NAALADL2: variants seen among roughly 807,000 people sequenced by gnomAD.
NAALADL2 encodes the protein inactive N-acetylated-alpha-linked acidic dipeptidase-like protein 2.
NAALADL2 carries 76 observed loss-of-function variants against 87.2 expected under a neutral mutation model. The observed-to-expected ratio is 0.87, with a 90% CI of 0.72 to 1.05. The LOEUF (loss-of-function observed/expected upper bound fraction) is 1.05, where lower values mean the gene tolerates loss of function less well. Among genes scored for constraint, NAALADL2 ranks in the 50% least tolerant of loss-of-function variants. The pLI, the probability that NAALADL2 is intolerant of heterozygous loss-of-function variation, is 0.00. For missense variants in NAALADL2, 1,089 were observed against 945.8 expected (o/e 1.15, Z -1.99); for synonymous variants, 354 against 331.0 (o/e 1.07, Z -0.75).
chr3:175,353,640 A>G (rs1204312131), intron 5 of NAALADL2, among the ~76,000 whole-genome samples: 4 of 152,096 alleles, frequency 2.6e-5, no homozygotes, highest in African/African-American at 9.7e-5. Context: ...AGTTTCAAAG[A>G]CTCTTCAAAG....
chr3:174,825,289 AG>A (rs1266140534), intron 3 of NAALADL2, among the ~76,000 whole-genome samples: 2 of 150,518 alleles, frequency 1.3e-5, no homozygotes, highest in African/African-American at 4.9e-5. Flanking sequence ...AGTAATTCCC[AG>A]TCCAAGGCCT....
chr3:174,586,859 G>C (rs958624241), intron 2 of NAALADL2, among the ~76,000 whole-genome samples: 2 of 151,944 alleles, frequency 1.3e-5, no homozygotes, highest in African/African-American at 4.8e-5. Context: ...TATACTTTAA[G>C]TTATAGGGTA....
intron 6 of NAALADL2, among the ~76,000 whole-genome samples, chr3:175,447,963 G>A (rs991995470): frequency 1.3e-5 from 2 of 152,070 alleles, no homozygotes; most frequent in African/African-American, 4.8e-5. Flanking sequence ...TCAGCATTAG[G>A]GTTCTAAAGA....
intron 3 of NAALADL2, among the ~76,000 whole-genome samples, chr3:174,783,507 T>G (rs1473833863): frequency 6.6e-6 from 1 of 152,136 alleles, no homozygotes; most frequent in Non-Finnish European, 1.5e-5. Flanking sequence ...TTAGAGTCCT[T>G]TGTACTTGAT....
At chr3:174,949,667 A>C (rs774144057) in intron 1 of NAALADL2, among the ~76,000 whole-genome samples, 2 of 152,186 alleles carry the variant, frequency 1.3e-5, no homozygotes, top group Non-Finnish European at 2.9e-5. Flanking sequence ...TGCCCTTTAC[A>C]AAGGAATGTT....
intron 3 of NAALADL2, among the ~76,000 whole-genome samples, chr3:174,830,270 A>G (rs1170895498): frequency 1.3e-5 from 2 of 149,292 alleles, no homozygotes; most frequent in East Asian, 2.0e-4. Flanking sequence ...TAAGTCTTTA[A>G]TCCATCTTGA....
At chr3:175,178,130 G>T (rs1735953568) in intron 2 of NAALADL2, among the ~76,000 whole-genome samples, 1 of 151,880 alleles carries the variant, frequency 6.6e-6, no homozygotes, top group Non-Finnish European at 1.5e-5. Flanking sequence ...AGATAATACA[G>T]TTCTATGTCA....
intron 13 of NAALADL2, among the ~76,000 whole-genome samples, chr3:175,756,546 A>G (rs1339407679): frequency 6.6e-6 from 1 of 152,192 alleles, no homozygotes; most frequent in East Asian, 1.9e-4. Flanking sequence ...GCTGGAGGCC[A>G]TTATCCTAAG....
At chr3:174,556,071 T>C (rs766722430) in intron 2 of NAALADL2, among the ~76,000 whole-genome samples, 1 of 152,046 alleles carries the variant, frequency 6.6e-6, no homozygotes, top group Non-Finnish European at 1.5e-5. Context: ...TACATACAGA[T>C]ATAGATGTTG....
intron 5 of NAALADL2, among the ~76,000 whole-genome samples, chr3:175,382,010 G>C (rs938427609): frequency 3.3e-5 from 5 of 152,164 alleles, no homozygotes; most frequent in African/African-American, 1.2e-4. Flanking sequence ...ACTAACTGCT[G>C]TGTCTTGTCC....
At chr3:174,964,501 G>T (rs1322465662) in intron 1 of NAALADL2, among the ~76,000 whole-genome samples, 1 of 151,998 alleles carries the variant, frequency 6.6e-6, no homozygotes, top group Non-Finnish European at 1.5e-5. Context: ...AAAGAGAGGA[G>T]AACAGAGGAC....
intron 5 of NAALADL2, among the ~76,000 whole-genome samples, chr3:175,395,565 C>T (rs1392420657): frequency 6.6e-6 from 1 of 152,108 alleles, no homozygotes; most frequent in African/African-American, 2.4e-5. Flanking sequence ...CCAACAACAG[C>T]CCTGAATCTA....
intron 5 of NAALADL2, among the ~76,000 whole-genome samples, chr3:175,367,798 C>A (rs1765838985): frequency 6.6e-6 from 1 of 152,196 alleles, no homozygotes; most frequent in African/African-American, 2.4e-5. Flanking sequence ...ATGTTGTCTG[C>A]AAACAGGGAC....
chr3:175,242,945 C>T (rs1747202102), intron 3 of NAALADL2, among the ~76,000 whole-genome samples: 2 of 152,262 alleles, frequency 1.3e-5, no homozygotes, highest in East Asian at 1.9e-4. Flanking sequence ...GTAAGATAGA[C>T]TGGAACAATT....
At chr3:175,375,904 G>A (rs1199095645) in intron 5 of NAALADL2, among the ~76,000 whole-genome samples, 1 of 151,598 alleles carries the variant, frequency 6.6e-6, no homozygotes, top group Admixed American at 6.6e-5. Context: ...TGACATTTTA[G>A]CTATGCATCC....
At chr3:175,449,023 T>C (rs1721120412) in intron 6 of NAALADL2, among the ~76,000 whole-genome samples, 1 of 152,166 alleles carries the variant, frequency 6.6e-6, no homozygotes, top group African/African-American at 2.4e-5. Flanking sequence ...GATTAATTTT[T>C]TTGTATGTTG....
chr3:174,827,571 G>T (rs77026840), intron 3 of NAALADL2, among the ~76,000 whole-genome samples: 14,953 of 152,192 alleles, frequency 0.098, 815 homozygotes, highest in Middle Eastern at 0.13. Context: ...ATAATCCCAG[G>T]TAATTTCTCC....
At chr3:175,105,890 A>G (rs1203554086) in intron 2 of NAALADL2, among the ~76,000 whole-genome samples, 1 of 152,118 alleles carries the variant, frequency 6.6e-6, no homozygotes, top group African/African-American at 2.4e-5. Flanking sequence ...AAAAATGAAA[A>G]TAAAGATTTC....
At chr3:175,082,831 A>G (rs998654372) in intron 1 of NAALADL2, among the ~76,000 whole-genome samples, 4 of 152,226 alleles carry the variant, frequency 2.6e-5, no homozygotes, top group African/African-American at 9.6e-5. Flanking sequence ...CCAAAAAGCA[A>G]TAAATACTAT....
Sources: gnomAD v4.1 joint callset for allele counts (sites outside exome capture counted in the v4.1 genomes callset) on GRCh38, gnomAD v4.1.1 for gene constraint, MANE v1.5 for transcripts, NCBI Gene and HGNC (gene_info 2026-07-23, HGNC 2026-07-21) for gene names.